KLHDC4: variants seen among roughly 807,000 people sequenced by gnomAD.
KLHDC4 encodes the protein kelch domain containing 4.
KLHDC4 carries 90 observed loss-of-function variants against 62.4 expected under a neutral mutation model. That is an observed-to-expected ratio of 1.44 (90% CI 1.22 to 1.72). The LOEUF is 1.72. Among genes scored for constraint, KLHDC4 ranks in the 40% most tolerant of loss-of-function variants. The probability of loss-of-function intolerance (pLI) is 0.00; values close to 1 mark genes in which losing one functional copy is unlikely to be tolerated. For missense variants in KLHDC4, 1,025 were observed against 699.7 expected (o/e 1.47, Z -5.25); for synonymous variants, 386 against 284.4 (o/e 1.36, Z -3.59).
Position 87,709,582 on chromosome 16 carries a change from C to T in KLHDC4, c.1130G>A (p.Gly377Asp). 2 of 1,612,972 alleles carry T rather than the reference C, an allele frequency of 1.2e-6. No homozygotes were observed. Residue 377 changes from glycine (G) to aspartate (D), a missense_variant, in exon 10 of 12, where the codon GGC (glycine) becomes GAC (aspartate). Coordinates refer to ENST00000270583, the MANE Select transcript of KLHDC4 (RefSeq NM_017566.4). ...GACCAGCTGCACAGGCCCCTGGGTG[C>T]CAGCTCCCCCACACGCCGGCCTGCT... is the stretch of plus-strand genomic sequence containing the variant. ...GGSRPACGGA[G>D]TQGPVQLVKE... is the part of the protein sequence containing the mutation.
chr16:87,719,530 G>A (rs1372467320), intron 7 of KLHDC4, among the ~76,000 whole-genome samples: 1 of 152,048 alleles, frequency 6.6e-6, no homozygotes, highest in African/African-American at 2.4e-5. Flanking sequence ...ACAAACACAC[G>A]GAAGGCCGCA....
intron 7 of KLHDC4, among the ~76,000 whole-genome samples, chr16:87,726,022 C>G (rs1272847182): frequency 6.6e-6 from 1 of 152,118 alleles, no homozygotes; most frequent in African/African-American, 2.4e-5. Context: ...GGCCCTAACA[C>G]GGCACCAAGT....
intron 5 of KLHDC4, among the ~76,000 whole-genome samples, chr16:87,733,589 T>G (rs2040779040): frequency 6.6e-6 from 1 of 151,256 alleles, no homozygotes; most frequent in Admixed American, 6.6e-5. Context: ...ATGACCTGCC[T>G]CGCCTCCTAC....
At chr16:87,703,798 C>G (rs1386244876), downstream of KLHDC4, among the ~76,000 whole-genome samples, 1 of 152,256 alleles carries the variant, frequency 6.6e-6, no homozygotes, top group Non-Finnish European at 1.5e-5. Context: ...CCGGCAGGGA[C>G]TGCTTGTGTG....
intron 2 of KLHDC4, among the ~76,000 whole-genome samples, chr16:87,758,680 TA>T (rs201301577): frequency 2.0e-5 from 3 of 151,830 alleles, no homozygotes; most frequent in Non-Finnish European, 2.9e-5. Flanking sequence ...TGATGAGCTT[TA>T]AAAAAAAATC....
intron 5 of KLHDC4, among the ~76,000 whole-genome samples, chr16:87,747,976 G>A (rs1378586963): frequency 1.3e-5 from 2 of 152,208 alleles, no homozygotes; most frequent in Non-Finnish European, 2.9e-5. Context: ...GTGGGTCATG[G>A]CCGCAGCAAT....
At position 87,714,572 on chromosome 16, in the gene KLHDC4, CT is replaced by C. The variant is rs1346803702; in HGVS notation, c.760del (p.Arg254GlufsTer18). ...GCCCTTGTCCACGTCTTTCTTAACT[CT>C]CTGCAATGGAAAGGAATTGTGTGAG... is the stretch of plus-strand genomic sequence containing the variant. ...IVVYGGYSKQ[R>X]VKKDVDKGTR... On this transcript the variant is annotated frameshift_variant and splice_region_variant, in exon 8 of 12. Coordinates refer to ENST00000270583, the MANE Select transcript of KLHDC4 (RefSeq NM_017566.4). LOFTEE classifies it high-confidence loss of function. 3 of 1,614,124 alleles carry C rather than the reference CT, an allele frequency of 1.9e-6. No individual in the cohort carries two copies. The South Asian group carries it at 3.3e-5, about 18-fold the overall frequency.
At chr16:87,731,594 A>G (rs576304577) in intron 5 of KLHDC4, among the ~76,000 whole-genome samples, 1 of 152,088 alleles carries the variant, frequency 6.6e-6, no homozygotes, top group Non-Finnish European at 1.5e-5. Context: ...AGACAACATC[A>G]AGTGCTGGCG....
chr16:87,714,091 G>A (rs2036438071), intron 8 of KLHDC4, among the ~76,000 whole-genome samples: 1 of 152,134 alleles, frequency 6.6e-6, no homozygotes, highest in South Asian at 2.1e-4. Flanking sequence ...CCAAGAGCGA[G>A]GCCCGTCACC....
intron 7 of KLHDC4, among the ~76,000 whole-genome samples, chr16:87,722,401 G>A (rs1331859654): frequency 1.3e-5 from 2 of 152,174 alleles, no homozygotes; most frequent in Non-Finnish European, 2.9e-5. Context: ...TTAATCTACA[G>A]GCAGGTCCAG....
chr16:87,717,042 G>C (rs554413271), intron 7 of KLHDC4, among the ~76,000 whole-genome samples: 1 of 152,154 alleles, frequency 6.6e-6, no homozygotes, highest in Admixed American at 6.5e-5. Context: ...GACCAGCCTG[G>C]GCAATGGCAA....
chr16:87,762,077 C>T, intron 1 of KLHDC4, 37 bp from the exon 2 acceptor site: 1 of 1,605,092 alleles, frequency 6.2e-7, no homozygotes, highest in Non-Finnish European at 8.5e-7. Flanking sequence ...AGACTTATTC[C>T]CAGGACCCGC....
At chr16:87,721,362 C>T (rs62055578) in intron 7 of KLHDC4, among the ~76,000 whole-genome samples, 10,928 of 146,928 alleles carry the variant, frequency 0.074, 547 homozygotes, top group Non-Finnish European at 0.1. Flanking sequence ...TGCAGTGCGC[C>T]GAGATTGCCC....
At chr16:87,707,272 G>A (rs939762229), downstream of KLHDC4, among the ~76,000 whole-genome samples, 2 of 152,234 alleles carry the variant, frequency 1.3e-5, no homozygotes, top group Non-Finnish European at 2.9e-5. Flanking sequence ...ACACCTGGTG[G>A]CAGCCATGTG....
chr16:87,728,220 T>C (rs79073849), intron 6 of KLHDC4, among the ~76,000 whole-genome samples: 4,698 of 152,290 alleles, frequency 0.031, 254 homozygotes, highest in African/African-American at 0.11. Flanking sequence ...CTGACCTTGC[T>C]GACTGCAACT....
At chr16:87,709,707 C>T (rs780610775) in intron 9 of KLHDC4, 40 bp from the exon 10 acceptor site, 25 of 1,520,752 alleles carry the variant, frequency 1.6e-5, no homozygotes, top group African/African-American at 4.1e-5. Flanking sequence ...GCAGCTTCAG[C>T]GAGGCAGGGG....
chr16:87,711,309 G>A lies in KLHDC4; in HGVS notation c.970C>T (p.Leu324=). The A allele has an allele frequency of 6.2e-7, 1 of 1,614,138 alleles. No individual in the cohort carries two copies. The highest frequency in any genetic ancestry group is 8.5e-7 in the Non-Finnish European group (1 of 1,180,040). Residue 324 remains leucine, a synonymous_variant, in exon 9 of 12, where the codon CTG becomes TTG. Coordinates refer to ENST00000270583, the MANE Select transcript of KLHDC4 (RefSeq NM_017566.4). The part of the protein sequence containing the change: ...GVCDEEEEES[L]SGEFFNDLYF... ...AGATCGTTGAAGAACTCGCCCGACA[G>A]GCTCTCCTCCTCTTCCTCGTCACAG...
exon 1 of KLHDC4, chr16:87,702,447 T>C (rs973492196): frequency 8.2e-6 from 3 of 364,138 alleles, no homozygotes; most frequent in Non-Finnish European, 1.6e-5. Flanking sequence ...CTTGGGCCTC[T>C]GGGGAGCCCG....
rs2035260590 is a variant in KLHDC4, at chr16:87,709,142, A to G, written c.1447+123T>C. 3 of 1,242,744 alleles carry G rather than the reference A, an allele frequency of 2.4e-6. No individual in the cohort carries two copies. The Admixed American group carries it at 6.6e-5, about 27-fold the overall frequency. The allele number at this position is 1,242,744 out of a possible 1,614,324, so 77.0% of individuals were successfully genotyped here. A position where few individuals can be genotyped will look rare whatever the true frequency, so the allele number is the denominator to read the frequency against. ...TCAATCTGACCGTGGAGGCAGGAGC[A>G]CAGGCGAGAAGTGTCGGCACAGGCC... On this transcript the variant is annotated intron_variant, in intron 10 of 11. Transcript: ENST00000270583.
Sources: gnomAD v4.1 joint callset for allele counts (sites outside exome capture counted in the v4.1 genomes callset) on GRCh38, gnomAD v4.1.1 for gene constraint, MANE v1.5 for transcripts, NCBI Gene and HGNC (gene_info 2026-07-23, HGNC 2026-07-21) for gene names.